COLEC12: variants seen among roughly 807,000 people sequenced by gnomAD.
COLEC12 encodes collectin-12.
A neutral mutation model predicts 71.1 loss-of-function variants in COLEC12; 33 were observed. The observed-to-expected ratio is 0.46, with a 90% CI of 0.35 to 0.62. COLEC12 has a LOEUF of 0.62. Among genes scored for constraint, COLEC12 ranks in the 20% least tolerant of loss-of-function variants. COLEC12 has a pLI of 0.00. For synonymous variants in COLEC12, 350 were observed against 353.0 expected (o/e 0.99, Z 0.10); for missense variants, 765 against 916.1 (o/e 0.84, Z 2.13).
intron 2 of COLEC12, among the ~76,000 whole-genome samples, chr18:368,213 TAC>T (rs906887472): frequency 6.6e-5 from 10 of 152,254 alleles, no homozygotes; most frequent in East Asian, 5.8e-4. Context: ...CATACGTTTG[TAC>T]ACACACACAC....
Position 422,704 on chromosome 18 carries a change from G to A in COLEC12, c.58+58003C>T, listed in dbSNP as rs945286192. Among the ~76,000 whole-genome samples the A allele has an allele frequency of 3.2e-4, 49 of 151,774 alleles. 1 individual carries two copies. Among genetic ancestry groups the A allele is most frequent in the Admixed American group, 3.1e-3 (48 of 15,256 alleles). On this transcript the variant is annotated intron_variant, in intron 2 of 9. Coordinates refer to ENST00000400256, the MANE Select transcript of COLEC12 (RefSeq NM_130386.3). ...AAAATACATACACATAGATGCATAC[G>A]TGCACACACACAGAACCTATGCATT... is the stretch of plus-strand genomic sequence containing the variant.
chr18:323,874 A>G (rs1913772930), intron 8 of COLEC12, among the ~76,000 whole-genome samples: 1 of 152,180 alleles, frequency 6.6e-6, no homozygotes, highest in African/African-American at 2.4e-5. Flanking sequence ...AGTCATTTTA[A>G]GTTAAATAAA....
Position 357,399 on chromosome 18 carries a change from C to A in COLEC12, c.181+1G>T, listed in dbSNP as rs1185637173. ...GAAGAAAAAAAAGAAAGCATGCTTA[C>A]CTTTATATCCCAAAATGGCTACTGT... On this transcript the variant is annotated splice_donor_variant, in intron 3 of 9. Coordinates refer to ENST00000400256, the MANE Select transcript of COLEC12 (RefSeq NM_130386.3). LOFTEE classifies it high-confidence loss of function. 6.3e-7 allele frequency: 1 copy of A among 1,592,708 alleles called. No individual in the cohort carries two copies. The highest frequency in any genetic ancestry group is 8.5e-7 in the Non-Finnish European group (1 of 1,173,854).
chr18:371,447 G>A (rs1329415872), intron 2 of COLEC12, among the ~76,000 whole-genome samples: 5 of 152,156 alleles, frequency 3.3e-5, no homozygotes, highest in Middle Eastern at 3.2e-3. Flanking sequence ...CACAAATCAC[G>A]GAAGAGAAAT....
intron 1 of COLEC12, among the ~76,000 whole-genome samples, chr18:499,908 G>A (rs537490557): frequency 6.6e-6 from 1 of 152,240 alleles, no homozygotes; most frequent in Non-Finnish European, 1.5e-5. Flanking sequence ...AAGGGACGCG[G>A]AACCGAGGGC....
At chr18:469,238 C>T (rs1292625656) in intron 2 of COLEC12, among the ~76,000 whole-genome samples, 3 of 152,246 alleles carry the variant, frequency 2.0e-5, no homozygotes, top group African/African-American at 7.2e-5. Context: ...CCTAGAACAC[C>T]ACCAGACAGA....
At chr18:364,303 A>G (rs1341571857) in intron 2 of COLEC12, among the ~76,000 whole-genome samples, 1 of 152,202 alleles carries the variant, frequency 6.6e-6, no homozygotes, top group Non-Finnish European at 1.5e-5. Context: ...TGTCTGCCAG[A>G]ATATATAGTG....
chr18:441,196 C>G (rs563174510), intron 2 of COLEC12, among the ~76,000 whole-genome samples: 2 of 148,598 alleles, frequency 1.3e-5, no homozygotes, highest in Non-Finnish European at 3.0e-5. Context: ...TGCAGTGAGC[C>G]GAGATTGTGC....
chr18:339,615 C>G (rs562562324), intron 5 of COLEC12, among the ~76,000 whole-genome samples: 4 of 152,294 alleles, frequency 2.6e-5, no homozygotes, highest in East Asian at 1.9e-4. Context: ...GCTTAATATT[C>G]CTGGCTGTGG....
At position 403,208 on chromosome 18, in the gene COLEC12, GGTTT is replaced by G. The variant is rs1370533142; in HGVS notation, c.59-45690_59-45687del. 1.1e-3 allele frequency among the ~76,000 whole-genome samples: 173 copies of G among 152,080 alleles called. 3 individuals are homozygous for G. Among genetic ancestry groups the G allele is most frequent in the Admixed American group, 0.011 (171 of 15,266 alleles). On this transcript the variant is annotated intron_variant, in intron 2 of 9. Coordinates refer to ENST00000400256, the MANE Select transcript of COLEC12 (RefSeq NM_130386.3). The stretch of plus-strand genomic sequence containing the variant: ...TCAGGACCTACATGATTTTCTCCAT[GGTTT>G]GTTACATGTACACATGAACACAAAT...
intron 2 of COLEC12, among the ~76,000 whole-genome samples, chr18:396,412 C>T (rs1463752853): frequency 6.6e-6 from 1 of 152,246 alleles, no homozygotes; most frequent in Non-Finnish European, 1.5e-5. Context: ...TCTCTAACAA[C>T]ACCGAATCTA....
At chr18:401,511 AATT>A (rs35264923) in intron 2 of COLEC12, among the ~76,000 whole-genome samples, 36,978 of 152,028 alleles carry the variant, frequency 0.24, 4,781 homozygotes, top group East Asian at 0.47. Flanking sequence ...GTGAAAGTAT[AATT>A]ATTATCATCA....
chr18:335,354 A>G (rs1232925928), intron 5 of COLEC12, 124 bp from the exon 6 acceptor site: 2 of 1,028,618 alleles, frequency 1.9e-6, no homozygotes, highest in Non-Finnish European at 2.7e-6. Context: ...TACAGCAGGG[A>G]AAGACCATCT....
chr18:330,873 G>GTTTTTTTTTTTTTT (rs60146586), intron 8 of COLEC12, among the ~76,000 whole-genome samples: 4 of 133,766 alleles, frequency 3.0e-5, no homozygotes, highest in Non-Finnish European at 4.6e-5. Context: ...CACATTTGTA[G>GTTTTTTTTTTTTTT]TTTTTTTTTT....
intron 2 of COLEC12, among the ~76,000 whole-genome samples, chr18:460,840 G>A (rs913027538): frequency 6.6e-6 from 1 of 152,118 alleles, no homozygotes; most frequent in Non-Finnish European, 1.5e-5. Flanking sequence ...ATTATCTCAG[G>A]CCAGCCCTTA....
intron 2 of COLEC12, among the ~76,000 whole-genome samples, chr18:394,602 T>A (rs1377013329): frequency 1.3e-5 from 2 of 152,262 alleles, no homozygotes; most frequent in Non-Finnish European, 2.9e-5. Flanking sequence ...TGCTTCTTGC[T>A]TTGGTGTCTG....
At position 480,776 on chromosome 18, in the gene COLEC12, C is replaced by A. The variant is rs1394086982; in HGVS notation, c.8-19G>T. On this transcript the variant is annotated intron_variant, in intron 1 of 9. Coordinates refer to ENST00000400256, the MANE Select transcript of COLEC12 (RefSeq NM_130386.3). The surrounding 1 kb of genome is among the most constrained non-coding windows in gnomAD (Gnocchi z 4.1). ...AAGTCGTCTGTGAGAGAAGAAGAGACACGATGTTAATCCTGGCAAGGGGCA... is the reference window on the plus strand; with the variant it reads ...AAGTCGTCTGTGAGAGAAGAAGAGAAACGATGTTAATCCTGGCAAGGGGCA... 2 of 1,612,488 alleles carry A rather than the reference C, an allele frequency of 1.2e-6. No individual in the cohort carries two copies. The highest frequency in any genetic ancestry group is 2.7e-5 in the African/African-American group (2 of 74,890).
At chr18:483,867 C>T (rs1268459294) in intron 1 of COLEC12, among the ~76,000 whole-genome samples, 2 of 152,288 alleles carry the variant, frequency 1.3e-5, no homozygotes, top group East Asian at 1.9e-4. Flanking sequence ...TACAGCCTAG[C>T]GGAGTTGATG....
intron 8 of COLEC12, among the ~76,000 whole-genome samples, chr18:323,809 G>T (rs1913771493): frequency 6.6e-6 from 1 of 152,128 alleles, no homozygotes; most frequent in South Asian, 2.1e-4. Flanking sequence ...ATATAAATAT[G>T]ACTTCTTTGG....
Sources: gnomAD v4.1 joint callset for allele counts (sites outside exome capture counted in the v4.1 genomes callset) on GRCh38, gnomAD v4.1.1 for gene constraint, Gnocchi (gnomAD v3.1) non-coding constraint, MANE v1.5 for transcripts, NCBI Gene and HGNC (gene_info 2026-07-23, HGNC 2026-07-21) for gene names.